The following GLRA1 variants were observed in gnomAD, a reference collection of about 807,000 sequenced individuals.
GLRA1 encodes glycine receptor alpha 1.
GLRA1 carries 37 observed loss-of-function variants against 48.3 expected under a neutral mutation model. The ratio of observed to expected loss-of-function variants is 0.77; its 90% CI spans 0.59 to 1.01. The LOEUF (loss-of-function observed/expected upper bound fraction) is 1.01, where lower values mean the gene tolerates loss of function less well. Ranked by LOEUF, GLRA1 falls within the 50% of genes least tolerant of loss-of-function variation. GLRA1 has a pLI of 0.00. For missense variants in GLRA1, 427 were observed against 571.0 expected (o/e 0.75, Z 2.57); for synonymous variants, 196 against 210.7 (o/e 0.93, Z 0.60).
chr5:151,893,447 T>C (rs1754151675), intron 1 of GLRA1, among the ~76,000 whole-genome samples: 1 of 151,856 alleles, frequency 6.6e-6, no homozygotes, highest in Non-Finnish European at 1.5e-5. Context: ...ACCTATCAAC[T>C]TGTCATCTAG....
intron 1 of GLRA1, among the ~76,000 whole-genome samples, chr5:151,895,434 CCTGT>C (rs1754205490): frequency 6.6e-6 from 1 of 152,118 alleles, no homozygotes; most frequent in Non-Finnish European, 1.5e-5. Context: ...TGGAATTCAT[CCTGT>C]CTTAGTCATT....
At chr5:151,883,252 CT>C (rs1753804157) in intron 3 of GLRA1, among the ~76,000 whole-genome samples, 1 of 152,174 alleles carries the variant, frequency 6.6e-6, no homozygotes, top group Non-Finnish European at 1.5e-5. Flanking sequence ...CCTTTGTTAT[CT>C]CCATTATCAT....
chr5:151,867,925 TCAGGAAGATCAGTATGG>T (rs1753378281), intron 3 of GLRA1, among the ~76,000 whole-genome samples: 1 of 152,214 alleles, frequency 6.6e-6, no homozygotes, highest in Non-Finnish European at 1.5e-5. Context: ...CAGTTTGATT[TCAGGAAGATCAGTATGG>T]CAGGAACCAC....
chr5:151,858,400 T>C (rs1274316238), intron 4 of GLRA1, among the ~76,000 whole-genome samples: 1 of 152,190 alleles, frequency 6.6e-6, no homozygotes, highest in Non-Finnish European at 1.5e-5. Flanking sequence ...GAAATGTCAC[T>C]TTCTGCTGGT....
intron 3 of GLRA1, among the ~76,000 whole-genome samples, chr5:151,883,278 T>A (rs1753804764): frequency 6.6e-6 from 1 of 152,206 alleles, no homozygotes; most frequent in South Asian, 2.1e-4. Flanking sequence ...TACTATTTTC[T>A]CTTGAGGGGA....
chr5:151,896,031 C>T (rs1441050604), intron 1 of GLRA1, among the ~76,000 whole-genome samples: 1 of 152,150 alleles, frequency 6.6e-6, no homozygotes, highest in African/African-American at 2.4e-5. Context: ...ATCTCTTCGC[C>T]CTTAGGCCTC....
At chr5:151,884,858 C>A (rs1753855622) in intron 3 of GLRA1, among the ~76,000 whole-genome samples, 1 of 152,138 alleles carries the variant, frequency 6.6e-6, no homozygotes, top group African/African-American at 2.4e-5. Flanking sequence ...ATACAAATGT[C>A]AATATGCTTC....
At chr5:151,912,422 G>A (rs577497756) in intron 1 of GLRA1, among the ~76,000 whole-genome samples, 33 of 152,132 alleles carry the variant, frequency 2.2e-4, no homozygotes, top group Non-Finnish European at 4.1e-4. Context: ...ATGGTGAAGA[G>A]CAACCTTATC....
At chr5:151,899,179 C>A (rs1754304613) in intron 1 of GLRA1, among the ~76,000 whole-genome samples, 1 of 152,048 alleles carries the variant, frequency 6.6e-6, no homozygotes, top group South Asian at 2.1e-4. Flanking sequence ...TATTTACTGT[C>A]CAGTAGATAG....
intron 7 of GLRA1, among the ~76,000 whole-genome samples, chr5:151,847,347 A>G (rs1752701604): frequency 6.6e-6 from 1 of 152,246 alleles, no homozygotes; most frequent in Non-Finnish European, 1.5e-5. Flanking sequence ...TCAAGTATTA[A>G]TAGTGAAGGG....
intron 1 of GLRA1, among the ~76,000 whole-genome samples, chr5:151,922,001 T>C (rs1754888113): frequency 6.6e-6 from 1 of 152,194 alleles, no homozygotes; most frequent in Admixed American, 6.5e-5. Flanking sequence ...ATTCACTCGA[T>C]TTTTGTTTTT....
chr5:151,872,039 C>T (rs891297427), intron 3 of GLRA1, among the ~76,000 whole-genome samples: 1 of 149,548 alleles, frequency 6.7e-6, no homozygotes, highest in Non-Finnish European at 1.5e-5. Flanking sequence ...GGTATAGAAA[C>T]AGAGCAATGG....
In GLRA1 at chr5:151,851,549, G is replaced by A. The variant is rs770544327; in HGVS notation, c.753C>T (p.Tyr251=). Residue 251 remains tyrosine, a synonymous_variant, in exon 7 of 9, where the codon TAC becomes TAT. Coordinates refer to ENST00000274576, the MANE Select transcript of GLRA1 (RefSeq NM_000171.4). ...GGCTGGGAATATACATCTGAATCAG[G>A]TAGTAACCCATCTGCCGCTCCAGGT... The part of the protein sequence containing the change: ...RFHLERQMGY[Y]LIQMYIPSLL... The A allele has an allele frequency of 5.6e-6, 9 of 1,614,028 alleles. No homozygotes were observed. Among genetic ancestry groups the A allele is most frequent in the East Asian group, 2.2e-5 (1 of 44,880 alleles).
intron 3 of GLRA1, among the ~76,000 whole-genome samples, chr5:151,864,909 G>A (rs1753292185): frequency 6.6e-6 from 1 of 152,110 alleles, no homozygotes; most frequent in African/African-American, 2.4e-5. Flanking sequence ...GAACAGAATG[G>A]ACTTTTCTTA....
chr5:151,898,310 C>G (rs1754272978), intron 1 of GLRA1, among the ~76,000 whole-genome samples: 1 of 151,756 alleles, frequency 6.6e-6, no homozygotes, highest in Admixed American at 6.6e-5. Context: ...CACCTAGTCT[C>G]AAGATTTTTT....
chr5:151,822,941 C>A lies in GLRA1; in HGVS notation c.1082G>T (p.Arg361Leu), dbSNP rs147471585. ...HHKEDEAGEG[R>L]FNFSAYGMGP... ...CATCCCATAGGCAGAGAAGTTAAAG[C>A]GGCCTTCTCCAGCTTCATCCTCCTG... The change falls in exon 9 of 9, where the codon CGC becomes CTC. Residue 361 changes from arginine to leucine, a missense_variant. Transcript: ENST00000274576. 3.1e-6 allele frequency: 5 copies of A among 1,608,624 alleles called. No individual in the cohort carries two copies. In the South Asian group the frequency reaches 5.5e-5, roughly 18 times the overall value.
At chr5:151,827,501 G>A (rs1375696587) in intron 8 of GLRA1, among the ~76,000 whole-genome samples, 1 of 152,060 alleles carries the variant, frequency 6.6e-6, no homozygotes, top group Non-Finnish European at 1.5e-5. Flanking sequence ...AGCTACTTTG[G>A]CATCCTCTGA....
Position 151,886,783 on chromosome 5 carries a change from G to C in GLRA1, c.190C>G (p.Pro64Ala). Residue 64 changes from proline (P) to alanine (A), a missense_variant, in exon 3 of 9, where the codon CCA becomes GCA. Coordinates refer to ENST00000274576, the MANE Select transcript of GLRA1 (RefSeq NM_000171.4). ...AAAATGTTGCAGCTCACGTTCACTG[G>C]GGGACCTGCCAATCAAGAGAGATTC... ...ARIRPNFKGP[P>A]VNVSCNIFIN... 1 of 1,612,004 alleles carries C rather than the reference G, an allele frequency of 6.2e-7. No individual in the cohort carries two copies. The highest frequency in any genetic ancestry group is 8.5e-7 in the Non-Finnish European group (1 of 1,178,040).
At position 151,924,631 on chromosome 5, in the gene GLRA1, C is replaced by A. The variant is rs1026908572; in HGVS notation, c.-82G>T. 64 of 869,346 alleles carry A rather than the reference C, an allele frequency of 7.4e-5. No individual in the cohort carries two copies. In the Admixed American group the frequency reaches 9.6e-4, roughly 13 times the overall value. 53.9% of individuals were successfully genotyped at this position (869,346 alleles called of 1,614,324 possible). A position where few individuals can be genotyped will look rare whatever the true frequency, so the allele number is the denominator to read the frequency against. ...TTGGCACTTACAAAACCAGAAAGCG[C>A]TATTGCAAAAAATAATCCAGATGTT... On this transcript the variant is annotated 5_prime_UTR_variant, in exon 1 of 9. Transcript: ENST00000274576.
Sources: allele counts gnomAD v4.1 joint callset (sites outside exome capture counted in the v4.1 genomes callset), GRCh38; gene constraint gnomAD v4.1.1; transcripts MANE v1.5; gene names NCBI Gene and HGNC (gene_info 2026-07-23, HGNC 2026-07-21).